Variants in ROBO1 observed in about 807,000 individuals in gnomAD.
ROBO1 encodes roundabout homolog 1.
In ROBO1, 149 loss-of-function variants were observed where a neutral mutation model predicts 195.9. That is an observed-to-expected ratio of 0.76 (90% CI 0.67 to 0.87). The LOEUF (loss-of-function observed/expected upper bound fraction) is 0.87. Ranked by LOEUF, ROBO1 falls within the 40% of genes least tolerant of loss-of-function variation. ROBO1 has a pLI of 0.00. For missense variants in ROBO1, 1,933 were observed against 2,068.3 expected, an observed-to-expected ratio of 0.93 and a Z score of 1.27; for synonymous variants, 816 against 733.2, an observed-to-expected ratio of 1.11 and a Z score of -1.82.
In ROBO1 at chr3:79,731,468, T is replaced by C. The variant is rs555736210; in HGVS notation, c.-51+36284A>G. Among the ~76,000 whole-genome samples, 4 of 152,258 alleles carry C rather than the reference T, an allele frequency of 2.6e-5. No individual in the cohort carries two copies. The South Asian group carries it at 8.3e-4, about 32-fold the overall frequency. Reference sequence around the variant, plus strand: ...AAAGCCTAACTAGGTGATTTGGTGCTGACCCCTGGTTAGGAGCCACTGGAT... The same window carrying C: ...AAAGCCTAACTAGGTGATTTGGTGCCGACCCCTGGTTAGGAGCCACTGGAT... On this transcript the variant is annotated intron_variant, in intron 1 of 30. Transcript: ENST00000464233.
intron 1 of ROBO1, among the ~76,000 whole-genome samples, chr3:79,758,024 A>G (rs998818467): frequency 1.3e-5 from 2 of 152,246 alleles, no homozygotes; most frequent in Non-Finnish European, 1.5e-5. Context: ...TGAAATCTGC[A>G]AAGTTGCAAA....
At chr3:79,676,000 C>G (rs1472581176) in intron 1 of ROBO1, among the ~76,000 whole-genome samples, 2 of 151,982 alleles carry the variant, frequency 1.3e-5, no homozygotes, top group African/African-American at 4.8e-5. Context: ...GCTCCTGTGT[C>G]ATATAAAACG....
chr3:78,762,516 T>C (rs918097886), intron 4 of ROBO1, among the ~76,000 whole-genome samples: 1 of 152,120 alleles, frequency 6.6e-6, no homozygotes, highest in Middle Eastern at 3.4e-3. Flanking sequence ...TAACCGAGGA[T>C]ACATATAATT....
At chr3:79,712,424 T>A (rs1299387043) in intron 1 of ROBO1, among the ~76,000 whole-genome samples, 2 of 152,098 alleles carry the variant, frequency 1.3e-5, no homozygotes, top group African/African-American at 4.8e-5. Flanking sequence ...CAAAACCTAA[T>A]CTAGAGCAAG....
At chr3:79,723,478 A>C (rs1271574603) in intron 1 of ROBO1, among the ~76,000 whole-genome samples, 10 of 152,300 alleles carry the variant, frequency 6.6e-5, no homozygotes, top group Admixed American at 3.9e-4. Flanking sequence ...TAATACTCCC[A>C]AAATCCTCAA....
At chr3:79,582,374 C>T (rs1451780413) in intron 2 of ROBO1, among the ~76,000 whole-genome samples, 1 of 151,446 alleles carries the variant, frequency 6.6e-6, no homozygotes, top group Non-Finnish European at 1.5e-5. Context: ...TGAATAACTC[C>T]AGAAGTTTTT....
At chr3:79,506,970 AAC>A (rs1316390382) in intron 2 of ROBO1, among the ~76,000 whole-genome samples, 45 of 152,334 alleles carry the variant, frequency 3.0e-4, no homozygotes, top group African/African-American at 1.9e-4. Flanking sequence ...GTCAGGTTAC[AAC>A]ACACTGCCAG....
At chr3:79,232,521 A>T (rs2082338407) in intron 2 of ROBO1, among the ~76,000 whole-genome samples, 1 of 151,654 alleles carries the variant, frequency 6.6e-6, no homozygotes, top group Non-Finnish European at 1.5e-5. Flanking sequence ...GTCTTTAAAT[A>T]AGTTGAAAGG....
At position 79,480,959 on chromosome 3, in the gene ROBO1, C is replaced by T. The variant is rs1434308721; in HGVS notation, c.88+108865G>A. Among the ~76,000 whole-genome samples, 5 of 152,102 alleles carry T rather than the reference C, an allele frequency of 3.3e-5. No individual in the cohort carries two copies. In the East Asian group the frequency reaches 9.6e-4, roughly 29 times the overall value. The stretch of plus-strand genomic sequence containing the variant: ...CCAGCACAGAGAAGACATGTGAGAT[C>T]AATTTTTTTTCCTCCATACATTTCC... On this transcript the variant is annotated intron_variant, in intron 2 of 30. Transcript: ENST00000464233.
At chr3:78,608,020 T>TACACAC (rs56715450) in intron 28 of ROBO1, among the ~76,000 whole-genome samples, 343 of 149,872 alleles carry the variant, frequency 2.3e-3, no homozygotes, top group Admixed American at 2.5e-3. Flanking sequence ...TAATTTCATT[T>TACACAC]ACACACACAC....
chr3:79,506,804 T>C (rs750373998), intron 2 of ROBO1, among the ~76,000 whole-genome samples: 6 of 152,178 alleles, frequency 3.9e-5, no homozygotes, highest in Non-Finnish European at 8.8e-5. Flanking sequence ...GAGTTTCAAG[T>C]GTCATAAAAG....
chr3:79,464,619 T>C (rs917316156), intron 2 of ROBO1, among the ~76,000 whole-genome samples: 3 of 152,050 alleles, frequency 2.0e-5, no homozygotes, highest in Non-Finnish European at 1.5e-5. Context: ...ATTTTAAGTA[T>C]TTTTTATATT....
At chr3:79,600,893 A>G (rs770320671) in intron 1 of ROBO1, among the ~76,000 whole-genome samples, 1 of 152,022 alleles carries the variant, frequency 6.6e-6, no homozygotes. Context: ...TCATTTATTT[A>G]ATAAACGTTA....
At chr3:79,250,527 T>C (rs560699248) in intron 2 of ROBO1, among the ~76,000 whole-genome samples, 2 of 152,102 alleles carry the variant, frequency 1.3e-5, no homozygotes, top group Admixed American at 6.6e-5. Context: ...TCAAGCTATG[T>C]TTTCTGGCTG....
intron 2 of ROBO1, among the ~76,000 whole-genome samples, chr3:79,584,772 A>G (rs1216839606): frequency 6.6e-6 from 1 of 151,204 alleles, no homozygotes; most frequent in Admixed American, 6.6e-5. Flanking sequence ...CACAAGCAGA[A>G]GATCTCTTTC....
chr3:78,966,553 G>C (rs1028995572), intron 3 of ROBO1, among the ~76,000 whole-genome samples: 4 of 152,154 alleles, frequency 2.6e-5, no homozygotes, highest in African/African-American at 4.8e-5. Flanking sequence ...ATTAAAGTTT[G>C]AGAACACCTG....
At chr3:79,460,672 C>A (rs568039636) in intron 2 of ROBO1, among the ~76,000 whole-genome samples, 1 of 152,272 alleles carries the variant, frequency 6.6e-6, no homozygotes, top group East Asian at 1.9e-4. Flanking sequence ...CCGTTAATAC[C>A]AAATATACAA....
intron 2 of ROBO1, among the ~76,000 whole-genome samples, chr3:79,307,076 G>C (rs1019498863): frequency 1.3e-5 from 2 of 151,966 alleles, no homozygotes; most frequent in Admixed American, 6.6e-5. Flanking sequence ...AAGAAGGGAG[G>C]GGGGTCGGGG....
At chr3:79,618,336 A>G (rs1053007383) in intron 1 of ROBO1, among the ~76,000 whole-genome samples, 1 of 152,214 alleles carries the variant, frequency 6.6e-6, no homozygotes, top group Non-Finnish European at 1.5e-5. Flanking sequence ...CCACATCTGC[A>G]TGTACACATC....
Sources: allele counts gnomAD v4.1 joint callset (sites outside exome capture counted in the v4.1 genomes callset), GRCh38; gene constraint gnomAD v4.1.1; transcripts MANE v1.5; gene names NCBI Gene and HGNC (gene_info 2026-07-23, HGNC 2026-07-21).